LETM2: variants seen among roughly 807,000 people sequenced by gnomAD.
LETM2 encodes LETM1 domain-containing protein LETM2, mitochondrial.
LETM2 carries 58 observed loss-of-function variants against 59.6 expected under a neutral mutation model. The ratio of observed to expected loss-of-function variants is 0.97; its 90% CI spans 0.79 to 1.21. The LOEUF is 1.21. Among genes scored for constraint, LETM2 ranks in the 50% most tolerant of loss-of-function variants. LETM2 has a pLI of 0.00. For synonymous variants in LETM2, 199 were observed against 214.1 expected (o/e 0.93, Z 0.62); for missense variants, 572 against 575.7 (o/e 0.99, Z 0.07).
chr8:38,407,303 T>C (rs927833384), intron 9 of LETM2, 59 bp from the exon 10 acceptor site: 2 of 1,253,656 alleles, frequency 1.6e-6, no homozygotes, highest in East Asian at 2.3e-5. Flanking sequence ...TAGTGGACTG[T>C]AGATTAATAC....
intron 4 of LETM2, among the ~76,000 whole-genome samples, chr8:38,396,322 C>T (rs1812687580): frequency 6.6e-6 from 1 of 152,082 alleles, no homozygotes; most frequent in East Asian, 1.9e-4. Context: ...TGCCACTACA[C>T]CCAGCTAATT....
At chr8:38,392,253 C>T (rs1223265773) in intron 2 of LETM2, among the ~76,000 whole-genome samples, 1 of 151,796 alleles carries the variant, frequency 6.6e-6, no homozygotes, top group Non-Finnish European at 1.5e-5. Context: ...GGTGAAAACC[C>T]GACTCTACTA....
In LETM2 at chr8:38,392,952, G is replaced by T. The variant is rs775430653; in HGVS notation, c.458G>T (p.Arg153Met). Residue 153 changes from arginine to methionine, a missense_variant, in exon 3 of 11, where the codon AGG becomes ATG. Coordinates refer to ENST00000379957, the MANE Select transcript of LETM2 (RefSeq NM_001286819.2). ...DAKVAARMVW[R>M]LLHGQVLTRR... Reference sequence around the variant, plus strand: ...AAAGTTGCTGCCAGAATGGTTTGGAGGCTGTTGCATGGACAGGTCCTGACC... The same window carrying T: ...AAAGTTGCTGCCAGAATGGTTTGGATGCTGTTGCATGGACAGGTCCTGACC... 4 of 1,610,518 alleles carry T rather than the reference G, an allele frequency of 2.5e-6. No individual in the cohort carries two copies. Among genetic ancestry groups the T allele is most frequent in the Non-Finnish European group, 3.4e-6 (4 of 1,180,020 alleles).
upstream of LETM2, among the ~76,000 whole-genome samples, chr8:38,385,137 C>CA (rs1308290212): frequency 6.6e-6 from 1 of 152,206 alleles, no homozygotes; most frequent in Non-Finnish European, 1.5e-5. Context: ...ATCAGACATG[C>CA]ACAAAGAGAC....
intron 4 of LETM2, chr8:38,397,178 C>CTT (rs34259252): frequency 2.4e-3 from 1,040 of 425,960 alleles, no homozygotes; most frequent in East Asian, 3.4e-3. Context: ...AAAAGTGCAA[C>CTT]TTTTTTTTTT....
rs537786240 is a variant in LETM2 at position 38,392,686 on chromosome 8, T to G, written c.192T>G (p.Asn64Lys). Residue 64 changes from asparagine to lysine, a missense_variant, in exon 3 of 11, where the codon AAT becomes AAG. Coordinates refer to ENST00000379957, the MANE Select transcript of LETM2 (RefSeq NM_001286819.2). ...ACTCGGATCCTAGTCAGCCAGGCAA[T>G]ACAGTACTTCACCCAGGAACTAGAC... The part of the protein sequence containing the change: ...KKYSDPSQPG[N>K]TVLHPGTRLI... 1.5e-5 allele frequency: 24 copies of G among 1,614,000 alleles called. No homozygotes were observed. The highest frequency in any genetic ancestry group is 2.0e-5 in the Non-Finnish European group (24 of 1,180,024).
intron 2 of LETM2, among the ~76,000 whole-genome samples, chr8:38,390,956 C>T (rs1812193466): frequency 6.6e-6 from 1 of 151,940 alleles, no homozygotes; most frequent in Non-Finnish European, 1.5e-5. Flanking sequence ...GCTGGGATTA[C>T]AGGCATGAGC....
At chr8:38,384,860 G>A (rs1811705647), upstream of LETM2, among the ~76,000 whole-genome samples, 1 of 152,194 alleles carries the variant, frequency 6.6e-6, no homozygotes, top group African/African-American at 2.4e-5. Context: ...TACAATGCAT[G>A]AATAAGAATA....
rs754826521 is a variant in LETM2 at position 38,400,941 on chromosome 8, GC to G, written c.875del (p.Pro292LeufsTer26). 6.2e-7 allele frequency: 1 copy of G among 1,614,088 alleles called. No individual in the cohort carries two copies. On this transcript the variant is annotated frameshift_variant, in exon 6 of 11. Coordinates refer to ENST00000379957, the MANE Select transcript of LETM2 (RefSeq NM_001286819.2). LOFTEE classifies it high-confidence loss of function. ...CAGCTGGCCCTGGAACACTTAGATCGCCCTCAGCTGGTTGCCCTTTGCAAAC... is the reference window on the plus strand; with the variant it reads ...CAGCTGGCCCTGGAACACTTAGATCGCCTCAGCTGGTTGCCCTTTGCAAAC... ...EDQLALEHLDRPQLVALCKLL... is the reference protein window; with the variant it reads ...EDQLALEHLDXPQLVALCKLL...
At chr8:38,391,198 A>AC (rs1812224900) in intron 2 of LETM2, among the ~76,000 whole-genome samples, 1 of 123,286 alleles carries the variant, frequency 8.1e-6, no homozygotes, top group Admixed American at 8.4e-5. Flanking sequence ...AAAAAAAAAA[A>AC]CAAAAAAAAA....
At chr8:38,398,374 C>G (rs1471427239) in intron 4 of LETM2, among the ~76,000 whole-genome samples, 3 of 152,188 alleles carry the variant, frequency 2.0e-5, no homozygotes, top group Non-Finnish European at 4.4e-5. Flanking sequence ...CACTCATTCC[C>G]TGAAACATAC....
Position 38,404,368 on chromosome 8 carries a change from G to A in LETM2, c.1105-25G>A, listed in dbSNP as rs777408516. The stretch of plus-strand genomic sequence containing the variant: ...CTGGCTCTGGTGTTCTGATTCTCAC[G>A]TGTTGTTCCCCTCCCGTTCTCCAGT... On this transcript the variant is annotated intron_variant, in intron 7 of 10. Transcript: ENST00000379957. 14 of 1,472,862 alleles carry A rather than the reference G, an allele frequency of 9.5e-6. 1 individual carries two copies. The highest frequency in any genetic ancestry group is 4.5e-5 in the East Asian group (2 of 44,184). 91.2% of individuals were successfully genotyped at this position (1,472,862 alleles called of 1,614,324 possible).
chr8:38,400,423 A>T lies in LETM2; in HGVS notation c.783+14A>T, dbSNP rs771679447. 19 of 1,552,514 alleles carry T rather than the reference A, an allele frequency of 1.2e-5. No individual in the cohort carries two copies. Among genetic ancestry groups the T allele is most frequent in the African/African-American group, 5.5e-5 (4 of 72,326 alleles). ...TACGTGAAGCAGGTGTCCATCTTTTATGTAATGCCGAACAACTTCGGGGCT... is the reference window on the plus strand; with the variant it reads ...TACGTGAAGCAGGTGTCCATCTTTTTTGTAATGCCGAACAACTTCGGGGCT... On this transcript the variant is annotated intron_variant, in intron 5 of 10. Transcript: ENST00000379957.
At chr8:38,391,453 C>T (rs1481000317) in intron 2 of LETM2, among the ~76,000 whole-genome samples, 2 of 148,794 alleles carry the variant, frequency 1.3e-5, no homozygotes, top group African/African-American at 2.5e-5. Context: ...CAGGCACGTG[C>T]CACCACGCCC....
At chr8:38,403,514 A>AC (rs1051227072) in intron 7 of LETM2, among the ~76,000 whole-genome samples, 1 of 152,246 alleles carries the variant, frequency 6.6e-6, no homozygotes, top group African/African-American at 2.4e-5. Context: ...CACTGTGGTA[A>AC]CCCATGTTTA....
chr8:38,389,889 C>T (rs1812077463), intron 2 of LETM2, among the ~76,000 whole-genome samples: 1 of 151,312 alleles, frequency 6.6e-6, no homozygotes, highest in African/African-American at 2.4e-5. Context: ...GTCCCAGCTA[C>T]TCAGGAGGCT....
upstream of LETM2, among the ~76,000 whole-genome samples, chr8:38,383,889 C>T (rs1469499147): frequency 6.7e-6 from 1 of 148,846 alleles, no homozygotes; most frequent in African/African-American, 2.5e-5. Context: ...GAGATCGCGC[C>T]ACTGCACTCC....
chr8:38,389,895 A>G (rs1812078093), intron 2 of LETM2, among the ~76,000 whole-genome samples: 1 of 150,304 alleles, frequency 6.7e-6, no homozygotes, highest in Non-Finnish European at 1.5e-5. Context: ...GCTACTCAGG[A>G]GGCTAAAGCA....
intron 4 of LETM2, 67 bp from the exon 5 acceptor site, chr8:38,400,205 C>T: frequency 3.2e-6 from 4 of 1,261,678 alleles, no homozygotes; most frequent in Admixed American, 2.0e-5. Context: ...AGTTATTTTT[C>T]TCCCATCTTT....
Sources: gnomAD v4.1 joint callset for allele counts (sites outside exome capture counted in the v4.1 genomes callset) on GRCh38, gnomAD v4.1.1 for gene constraint, MANE v1.5 for transcripts, NCBI Gene and HGNC (gene_info 2026-07-23, HGNC 2026-07-21) for gene names.